C12orf42: variants seen among roughly 807,000 people sequenced by gnomAD.
C12orf42 encodes the protein uncharacterized protein C12orf42.
C12orf42 carries 25 observed loss-of-function variants against 21.6 expected under a neutral mutation model. The observed-to-expected ratio is 1.16, with a 90% CI of 0.84 to 1.62. C12orf42 has a LOEUF of 1.62. C12orf42 is among the 40% of genes most tolerant of loss of function. The pLI is 0.00. For synonymous variants in C12orf42, 174 were observed against 175.0 expected, an observed-to-expected ratio of 0.99 and a Z score of 0.05; for missense variants, 483 against 459.3, an observed-to-expected ratio of 1.05 and a Z score of -0.47.
intron 2 of C12orf42, among the ~76,000 whole-genome samples, chr12:103,451,338 C>T (rs1469108717): frequency 1.3e-5 from 2 of 150,276 alleles, no homozygotes; most frequent in African/African-American, 2.5e-5. Context: ...GCAATGCTCC[C>T]ACCTCAGCCT....
chr12:103,337,458 C>A (rs2041796331), intron 4 of C12orf42, among the ~76,000 whole-genome samples: 1 of 152,196 alleles, frequency 6.6e-6, no homozygotes, highest in South Asian at 2.1e-4. Context: ...TCAAGGGAAT[C>A]CCCTGCCTCA....
At chr12:103,087,229 A>G in the C12orf42 span, among the ~76,000 whole-genome samples, 8 of 152,208 alleles carry the variant, frequency 5.3e-5, no homozygotes, top group African/African-American at 1.7e-4. Flanking sequence ...CACATATTAA[A>G]TGACTGTAAA....
At chr12:103,116,304 C>G in the C12orf42 span, among the ~76,000 whole-genome samples, 1 of 150,188 alleles carries the variant, frequency 6.7e-6, no homozygotes, top group South Asian at 2.1e-4. Context: ...GCAGAGGATG[C>G]GGTGAGCTGA....
chr12:103,515,119 T>C, the C12orf42 span, among the ~76,000 whole-genome samples: 1 of 152,124 alleles, frequency 6.6e-6, no homozygotes, highest in East Asian at 1.9e-4. Context: ...AGTGTTGAGG[T>C]TGAAAACCCC....
the C12orf42 span, among the ~76,000 whole-genome samples, chr12:103,196,357 T>A: frequency 1.3e-5 from 2 of 152,194 alleles, no homozygotes; most frequent in Non-Finnish European, 2.9e-5. Flanking sequence ...TCACTAAGTA[T>A]GTGGTTGATT....
chr12:103,084,314 G>T, the C12orf42 span, among the ~76,000 whole-genome samples: 1 of 152,094 alleles, frequency 6.6e-6, no homozygotes, highest in Non-Finnish European at 1.5e-5. Flanking sequence ...AACAAGAATT[G>T]CTGCTTTAAA....
intron 2 of C12orf42, among the ~76,000 whole-genome samples, chr12:103,449,978 A>T (rs1450738145): frequency 6.6e-6 from 1 of 151,816 alleles, no homozygotes; most frequent in Non-Finnish European, 1.5e-5. Flanking sequence ...TTTGCATAAA[A>T]GTTATATCTT....
chr12:103,055,336 AT>A, the C12orf42 span, among the ~76,000 whole-genome samples: 2 of 151,846 alleles, frequency 1.3e-5, no homozygotes, highest in Non-Finnish European at 2.9e-5. Context: ...AAATTGTGAA[AT>A]TTATGTGTGT....
the C12orf42 span, among the ~76,000 whole-genome samples, chr12:103,553,035 G>C: frequency 6.6e-6 from 1 of 152,116 alleles, no homozygotes; most frequent in African/African-American, 2.4e-5. Context: ...CTTAACACCT[G>C]GGGATTACAA....
chr12:103,154,025 C>CAAAAAAAAAAAAAAAAAAAAAAAAA, the C12orf42 span, among the ~76,000 whole-genome samples: 1 of 51,668 alleles, frequency 1.9e-5, no homozygotes, highest in Admixed American at 3.0e-4. Context: ...CAAATCTCAG[C>CAAAAAAAAAAAAAAAAAAAAAAAAA]AAAAAAAAAA....
At chr12:103,401,249 A>G (rs1022605485) in intron 3 of C12orf42, among the ~76,000 whole-genome samples, 5 of 152,132 alleles carry the variant, frequency 3.3e-5, no homozygotes, top group African/African-American at 1.2e-4. Flanking sequence ...GTAAATTTTT[A>G]TGGATGATGG....
chr12:103,086,989 T>C, the C12orf42 span, among the ~76,000 whole-genome samples: 1 of 152,198 alleles, frequency 6.6e-6, no homozygotes. Flanking sequence ...AAGGGTATTA[T>C]CAAAAGGAAA....
At chr12:103,164,680 T>G in the C12orf42 span, 1 of 453,370 alleles carries the variant, frequency 2.2e-6, no homozygotes, top group Admixed American at 2.4e-5. Context: ...AAACCTTTTG[T>G]TTTCATCCAG....
At chr12:103,260,376 A>G (rs931773772) in intron 10 of C12orf42, among the ~76,000 whole-genome samples, 1 of 152,204 alleles carries the variant, frequency 6.6e-6, no homozygotes, top group Non-Finnish European at 1.5e-5. Context: ...TAGGAATTTA[A>G]TATCTTCACA....
intron 2 of C12orf42, among the ~76,000 whole-genome samples, chr12:103,472,266 G>A (rs1953687637): frequency 6.6e-6 from 1 of 151,886 alleles, no homozygotes; most frequent in Admixed American, 6.6e-5. Flanking sequence ...GTGTTAGCCA[G>A]GATGGTCTCG....
At chr12:103,357,054 A>C (rs1566143182) in intron 4 of C12orf42, among the ~76,000 whole-genome samples, 1 of 150,126 alleles carries the variant, frequency 6.7e-6, no homozygotes, top group East Asian at 2.0e-4. Flanking sequence ...GGACAAAAAA[A>C]CCAAACACCG....
At chr12:103,373,645 G>A (rs1016788741) in intron 3 of C12orf42, among the ~76,000 whole-genome samples, 7 of 152,218 alleles carry the variant, frequency 4.6e-5, no homozygotes, top group South Asian at 2.1e-4. Context: ...CTCAGTATTC[G>A]TCCCACATGA....
chr12:103,066,325 G>T, the C12orf42 span, among the ~76,000 whole-genome samples: 1 of 152,134 alleles, frequency 6.6e-6, no homozygotes, highest in Non-Finnish European at 1.5e-5. Flanking sequence ...GCTGGAGCAG[G>T]TCCTGAAGGC....
chr12:103,166,317 C>T, the C12orf42 span, among the ~76,000 whole-genome samples: 2 of 151,988 alleles, frequency 1.3e-5, no homozygotes, highest in Admixed American at 1.3e-4. Flanking sequence ...TTTAGTGGAG[C>T]TCCTATTAAA....
Sources: gnomAD v4.1 joint callset for allele counts (sites outside exome capture counted in the v4.1 genomes callset) on GRCh38, gnomAD v4.1.1 for gene constraint, MANE v1.5 for transcripts, NCBI Gene and HGNC (gene_info 2026-07-23, HGNC 2026-07-21) for gene names.